Variants in SLC6A15 observed in about 807,000 individuals in gnomAD.
SLC6A15 encodes the protein sodium-dependent neutral amino acid transporter B(0)AT2.
In SLC6A15, 33 loss-of-function variants were observed where a neutral mutation model predicts 68.5. That is an observed-to-expected ratio of 0.48 (90% confidence interval 0.37 to 0.64). The LOEUF (loss-of-function observed/expected upper bound fraction) is 0.64. Among genes scored for constraint, SLC6A15 ranks in the 30% least tolerant of loss-of-function variants. The pLI, the probability that SLC6A15 is intolerant of heterozygous loss-of-function variation, is 0.00. For missense variants in SLC6A15, 747 were observed against 874.3 expected, an observed-to-expected ratio of 0.85 and a Z score of 1.84; for synonymous variants, 347 against 301.0, an observed-to-expected ratio of 1.15 and a Z score of -1.58.
chr12:84,864,320 C>CTTTTT (rs551232166), intron 10 of SLC6A15, among the ~76,000 whole-genome samples: 28 of 131,738 alleles, frequency 2.1e-4, no homozygotes, highest in African/African-American at 3.6e-4. Flanking sequence ...TTCTTTCTTT[C>CTTTTT]TTTTTTTTTT....
At chr12:84,869,791 C>T (rs1871212119) in intron 9 of SLC6A15, among the ~76,000 whole-genome samples, 2 of 152,152 alleles carry the variant, frequency 1.3e-5, no homozygotes, top group South Asian at 4.2e-4. Flanking sequence ...ATTTTACATG[C>T]TGTAAGTCTT....
At position 84,892,095 on chromosome 12, in the gene SLC6A15, T is replaced by C; in HGVS notation, c.26A>G (p.Lys9Arg). Reference protein sequence around the residue: MPKNSKVVKRELDDDVTES... With the variant: MPKNSKVVRRELDDDVTES... ...AGTAACATCATCATCTAATTCTCTT[T>C]TTACCACCTTGCTATTTTTGGGCAT... Residue 9 changes from lysine (K) to arginine (R), a missense_variant, in exon 2 of 12, where the codon AAA becomes AGA. Coordinates refer to ENST00000266682, the MANE Select transcript of SLC6A15 (RefSeq NM_182767.6). 6.2e-7 allele frequency: 1 copy of C among 1,613,228 alleles called. No individual in the cohort carries two copies. The highest frequency in any genetic ancestry group is 2.2e-5 in the East Asian group (1 of 44,822).
chr12:84,866,374 G>T (rs1305672859), intron 10 of SLC6A15, among the ~76,000 whole-genome samples: 3 of 152,090 alleles, frequency 2.0e-5, no homozygotes, highest in Non-Finnish European at 4.4e-5. Flanking sequence ...ATGTGTATTT[G>T]ATATGAATTT....
intron 4 of SLC6A15, among the ~76,000 whole-genome samples, chr12:84,884,456 C>T (rs1316483762): frequency 6.6e-6 from 1 of 152,004 alleles, no homozygotes; most frequent in Non-Finnish European, 1.5e-5. Flanking sequence ...TAGACACCCG[C>T]CACCAAACCG....
chr12:84,867,243 C>A (rs1322403742), intron 9 of SLC6A15, 50 bp from the exon 10 acceptor site: 3 of 1,413,160 alleles, frequency 2.1e-6, no homozygotes, highest in Non-Finnish European at 2.8e-6. Flanking sequence ...AGAGACAAGG[C>A]CTTTAAACTT....
intron 11 of SLC6A15, among the ~76,000 whole-genome samples, chr12:84,862,785 A>G (rs1870906603): frequency 6.6e-6 from 1 of 151,892 alleles, no homozygotes; most frequent in Non-Finnish European, 1.5e-5. Flanking sequence ...TTATTTATTT[A>G]TTTGTTTATT....
rs115594306 is a variant in SLC6A15 at position 84,897,912 on chromosome 12, T to C, written c.-188-5604A>G. On this transcript the variant is annotated intron_variant, in intron 1 of 11. Transcript: ENST00000266682. ...TTTAAACAAGGAAATATGGTTTACT[T>C]TTTATAGAAATTATGTGCAGGGGAC... is the stretch of plus-strand genomic sequence containing the variant. Among the ~76,000 whole-genome samples the C allele has an allele frequency of 4.2e-3, 637 of 152,282 alleles. 2 individuals carry two copies. Among genetic ancestry groups the C allele is most frequent in the African/African-American group, 0.015 (613 of 41,546 alleles).
In SLC6A15 at chr12:84,862,137, G is replaced by T. The variant is rs1870880939; in HGVS notation, c.1819-131C>A. The T allele has an allele frequency of 4.5e-6, 4 of 897,014 alleles. No individual in the cohort carries two copies. The South Asian group carries it at 8.1e-5, about 18-fold the overall frequency. The allele number at this position is 897,014 out of a possible 1,614,324, so 55.6% of individuals were successfully genotyped here. On this transcript the variant is annotated intron_variant, in intron 11 of 11. Coordinates refer to ENST00000266682, the MANE Select transcript of SLC6A15 (RefSeq NM_182767.6). ...TGTGACTTGCTTTGACCAATAGAAAGCAGTAGAAGTGACACTCAGCAACTT... is the reference window on the plus strand; with the variant it reads ...TGTGACTTGCTTTGACCAATAGAAATCAGTAGAAGTGACACTCAGCAACTT...
At chr12:84,891,113 A>G (rs560207278) in intron 2 of SLC6A15, among the ~76,000 whole-genome samples, 2 of 152,294 alleles carry the variant, frequency 1.3e-5, no homozygotes, top group East Asian at 3.9e-4. Context: ...AATTTTGCTA[A>G]GTAAGCCTTT....
At chr12:84,898,363 A>T (rs1348125061) in intron 1 of SLC6A15, among the ~76,000 whole-genome samples, 1 of 152,110 alleles carries the variant, frequency 6.6e-6, no homozygotes, top group Non-Finnish European at 1.5e-5. Context: ...CAAACAAAAA[A>T]CAACTTATTA....
chr12:84,881,915 A>G (rs934095357), intron 5 of SLC6A15: 3 of 985,272 alleles, frequency 3.0e-6, no homozygotes, highest in Non-Finnish European at 3.6e-6. Context: ...TCTCCCCATC[A>G]GTGCCTGTTA....
At position 84,898,461 on chromosome 12, in the gene SLC6A15, C is replaced by T. The variant is rs1592612056; in HGVS notation, c.-188-6153G>A. On this transcript the variant is annotated intron_variant, in intron 1 of 11. Coordinates refer to ENST00000266682, the MANE Select transcript of SLC6A15 (RefSeq NM_182767.6). Reference sequence around the variant, plus strand: ...TAATGTGACATTATAAGAATCAATACGTTTTGATGTGAAAAGACATGTATT... The same window carrying T: ...TAATGTGACATTATAAGAATCAATATGTTTTGATGTGAAAAGACATGTATT... 1.3e-5 allele frequency among the ~76,000 whole-genome samples: 2 copies of T among 152,060 alleles called. 1 individual carries two copies. The highest frequency in any genetic ancestry group is 4.1e-4 in the South Asian group (2 of 4,820).
intron 1 of SLC6A15, among the ~76,000 whole-genome samples, chr12:84,904,446 T>C (rs1873046322): frequency 6.6e-6 from 1 of 152,186 alleles, no homozygotes; most frequent in Non-Finnish European, 1.5e-5. Flanking sequence ...GAATGGTTTG[T>C]TGTGTAGCAA....
chr12:84,886,060 G>T lies in SLC6A15; in HGVS notation c.298C>A (p.Leu100Ile), dbSNP rs143012212. ...LCQKNGGGAY[L>I]LPYLILLMVI... ...ATAAGTAGTATTAAATATGGTAAAA[G>T]ATATGCACCTAAAGAAACAACAACA... Residue 100 changes from leucine to isoleucine, a missense_variant, in exon 3 of 12, where the codon CTT becomes ATT. Leu to Ile is a conservative substitution (Grantham distance 5). Transcript: ENST00000266682. 2.8e-5 allele frequency: 45 copies of T among 1,586,536 alleles called. No individual in the cohort carries two copies. Among genetic ancestry groups the T allele is most frequent in the Non-Finnish European group, 3.9e-5 (45 of 1,160,664 alleles).
intron 5 of SLC6A15, among the ~76,000 whole-genome samples, chr12:84,877,565 C>T (rs527348395): frequency 2.3e-4 from 35 of 152,160 alleles, no homozygotes; most frequent in Non-Finnish European, 4.3e-4. Context: ...TGTGAGTCTA[C>T]CAAGCTCAGC....
intron 1 of SLC6A15, among the ~76,000 whole-genome samples, chr12:84,910,506 G>T (rs542867685): frequency 6.6e-6 from 1 of 152,138 alleles, no homozygotes; most frequent in Non-Finnish European, 1.5e-5. Flanking sequence ...CATACTGTTT[G>T]TTAGTCCAAA....
In SLC6A15 at chr12:84,885,989, T is replaced by C; in HGVS notation, c.369A>G (p.Gln123=). The change falls in exon 3 of 12, where the codon CAA becomes CAG. Residue 123 remains glutamine, a synonymous_variant. Transcript: ENST00000266682. ...PLFFLELSVG[Q]RIRRGSIGVW... ...CACCAATGCTGCCTCGCCGAATTCT[T>C]TGACCCACAGAGAGTTCCAAGAAAA... is the stretch of plus-strand genomic sequence containing the variant. 6.2e-7 allele frequency: 1 copy of C among 1,613,408 alleles called. No individual in the cohort carries two copies. The highest frequency in any genetic ancestry group is 8.5e-7 in the Non-Finnish European group (1 of 1,179,532).
chr12:84,869,521 C>G (rs1199858621), intron 9 of SLC6A15, among the ~76,000 whole-genome samples: 5 of 148,162 alleles, frequency 3.4e-5, no homozygotes, highest in Non-Finnish European at 6.0e-5. Context: ...GCCCAGCATT[C>G]ATGGTCATCT....
chr12:84,866,478 A>G (rs1486755580), intron 10 of SLC6A15, among the ~76,000 whole-genome samples: 1 of 152,200 alleles, frequency 6.6e-6, no homozygotes, highest in Non-Finnish European at 1.5e-5. Context: ...AGCAAATGAC[A>G]TATACATCTC....
Sources: allele counts gnomAD v4.1 joint callset (sites outside exome capture counted in the v4.1 genomes callset), GRCh38; gene constraint gnomAD v4.1.1; transcripts MANE v1.5; gene names NCBI Gene and HGNC (gene_info 2026-07-23, HGNC 2026-07-21).